Variants in ERC1 observed in about 807,000 individuals in gnomAD.
ERC1 encodes ELKS/RAB6-interacting/CAST family member 1, also known as RAB6 interacting protein 2.
Under a neutral mutation model 132.0 loss-of-function variants are expected in ERC1, and 56 were observed. The ratio of observed to expected loss-of-function variants is 0.42; its 90% confidence interval spans 0.34 to 0.53. The LOEUF (loss-of-function observed/expected upper bound fraction) is 0.53, where lower values mean the gene tolerates loss of function less well. ERC1 is among the 20% of genes least tolerant of loss of function. ERC1 has a pLI of 0.03. For synonymous variants in ERC1, 478 were observed against 476.1 expected (o/e 1.00, Z -0.05); for missense variants, 1,202 against 1,349.9 (o/e 0.89, Z 1.72).
At chr12:1,385,368 C>T (rs1291937684) in intron 16 of ERC1, among the ~76,000 whole-genome samples, 3 of 152,054 alleles carry the variant, frequency 2.0e-5, no homozygotes, top group East Asian at 1.9e-4. Flanking sequence ...CTGCAAGCTC[C>T]GCCTCCCGGG....
In ERC1 at chr12:1,239,105, GTTTA is replaced by G. The variant is rs199577066; in HGVS notation, c.2487+2214_2487+2217del. 1.3e-3 allele frequency among the ~76,000 whole-genome samples: 197 copies of G among 152,226 alleles called. 2 individuals are homozygous for G. Among genetic ancestry groups the G allele is most frequent in the African/African-American group, 4.4e-3 (184 of 41,532 alleles). ...CAGTTACTTAAGTATATTTCTGTTT[GTTTA>G]TTTATTTATTTACTTATTTGACAGA... On this transcript the variant is annotated intron_variant, in intron 13 of 18. Transcript: ENST00000360905.
intron 12 of ERC1, among the ~76,000 whole-genome samples, chr12:1,225,192 C>T (rs1412125515): frequency 6.6e-6 from 1 of 151,882 alleles, no homozygotes; most frequent in Non-Finnish European, 1.5e-5. Context: ...AGGTGGAATG[C>T]TCACACCTGT....
intron 1 of ERC1, among the ~76,000 whole-genome samples, chr12:1,003,292 T>A (rs1027498795): frequency 1.1e-4 from 17 of 152,182 alleles, no homozygotes; most frequent in African/African-American, 4.1e-4. Flanking sequence ...TTTATAGTTT[T>A]CTGTGCAGTA....
At position 1,346,948 on chromosome 12, in the gene ERC1, C is replaced by CA. The variant is rs58842053; in HGVS notation, c.2781-24872dup. On this transcript the variant is annotated intron_variant, in intron 15 of 18. Transcript: ENST00000360905. ...TGGGCGACAGAGCGAGACTCCGTCT[C>CA]AAAAAAAAAAAAAGAGAGAGATGAT... Among the ~76,000 whole-genome samples the CA allele has an allele frequency of 9.2e-4, 98 of 105,980 alleles. 1 individual carries two copies. The highest frequency in any genetic ancestry group is 1.8e-3 in the East Asian group (7 of 3,854). The allele number at this position is 105,980 out of a possible 152,430, so 69.5% of individuals were successfully genotyped here.
chr12:1,280,181 A>C (rs1041878750), intron 14 of ERC1, among the ~76,000 whole-genome samples: 8 of 152,316 alleles, frequency 5.3e-5, no homozygotes, highest in African/African-American at 1.9e-4. Flanking sequence ...GTTATTGATC[A>C]TAGAAGCAGT....
At chr12:994,066 CAAAAAAAAAAA>C (rs72073964) in intron 1 of ERC1, among the ~76,000 whole-genome samples, 4 of 64,208 alleles carry the variant, frequency 6.2e-5, no homozygotes, top group Non-Finnish European at 1.2e-4. Flanking sequence ...AACTCCGTCT[CAAAAAAAAAAA>C]AAAAAAAAAA....
At chr12:1,413,515 A>AC (rs2091954043) in intron 17 of ERC1, among the ~76,000 whole-genome samples, 1 of 152,102 alleles carries the variant, frequency 6.6e-6, no homozygotes, top group African/African-American at 2.4e-5. Context: ...AATCACTTGA[A>AC]CCTGGGGGGC....
At chr12:1,350,012 T>C (rs2084859741) in intron 15 of ERC1, among the ~76,000 whole-genome samples, 1 of 152,314 alleles carries the variant, frequency 6.6e-6, no homozygotes, top group Admixed American at 6.5e-5. Flanking sequence ...AGGTTCACAG[T>C]GTTGTGCTTT....
intron 3 of ERC1, among the ~76,000 whole-genome samples, chr12:1,101,398 A>G (rs1183337977): frequency 2.6e-5 from 4 of 152,186 alleles, no homozygotes; most frequent in Admixed American, 2.6e-4. Context: ...CGCCGACATC[A>G]CTGACACTGC....
chr12:1,105,824 T>G (rs540224965), intron 4 of ERC1, among the ~76,000 whole-genome samples: 2 of 152,366 alleles, frequency 1.3e-5, no homozygotes, highest in South Asian at 4.1e-4. Flanking sequence ...TTGCCTTGAT[T>G]TGTGCTAAGG....
At chr12:1,285,787 C>T (rs543658258) in intron 14 of ERC1, among the ~76,000 whole-genome samples, 6 of 152,212 alleles carry the variant, frequency 3.9e-5, no homozygotes, top group African/African-American at 9.6e-5. Context: ...CACTCAACAA[C>T]ATATTTAATA....
intron 16 of ERC1, among the ~76,000 whole-genome samples, chr12:1,385,212 T>C (rs1248484503): frequency 2.0e-5 from 3 of 152,256 alleles, no homozygotes; most frequent in Non-Finnish European, 4.4e-5. Flanking sequence ...TTTCAATTTC[T>C]GCTAAATGAA....
chr12:1,290,581 A>T (rs1386766188), intron 15 of ERC1, among the ~76,000 whole-genome samples: 1 of 152,236 alleles, frequency 6.6e-6, no homozygotes, highest in African/African-American at 2.4e-5. Flanking sequence ...TGAAGCATGT[A>T]TACATCTGCT....
chr12:1,486,990 A>G (rs1449791132), intron 18 of ERC1, among the ~76,000 whole-genome samples: 1 of 152,162 alleles, frequency 6.6e-6, no homozygotes, highest in African/African-American at 2.4e-5. Context: ...CTGAAGCAAC[A>G]CCACCCCATA....
chr12:1,070,883 G>C (rs1208683224), intron 2 of ERC1, among the ~76,000 whole-genome samples: 5 of 152,160 alleles, frequency 3.3e-5, no homozygotes, highest in African/African-American at 1.2e-4. Context: ...CCGCAGCACA[G>C]GTAGTGTTCT....
chr12:1,393,762 T>A (rs762753291), intron 16 of ERC1, among the ~76,000 whole-genome samples: 7 of 151,764 alleles, frequency 4.6e-5, no homozygotes, highest in Non-Finnish European at 8.8e-5. Flanking sequence ...GCATGGTGGC[T>A]CATGCCTGTA....
intron 14 of ERC1, among the ~76,000 whole-genome samples, chr12:1,286,668 T>C (rs997832438): frequency 6.6e-6 from 1 of 152,178 alleles, no homozygotes; most frequent in African/African-American, 2.4e-5. Context: ...TTTGTCTATA[T>C]AGTAAACTTC....
intron 1 of ERC1, among the ~76,000 whole-genome samples, chr12:1,009,756 T>C (rs1439219584): frequency 6.6e-6 from 1 of 152,218 alleles, no homozygotes; most frequent in East Asian, 1.9e-4. Context: ...CTTTAAAATA[T>C]GAAAAACTGT....
chr12:1,419,774 A>G (rs985985696), intron 17 of ERC1, among the ~76,000 whole-genome samples: 1 of 151,908 alleles, frequency 6.6e-6, no homozygotes, highest in Non-Finnish European at 1.5e-5. Flanking sequence ...TGCACTTCAA[A>G]TGGTTAAGAT....
Sources: allele counts gnomAD v4.1 joint callset (sites outside exome capture counted in the v4.1 genomes callset), GRCh38; gene constraint gnomAD v4.1.1; transcripts MANE v1.5; gene names NCBI Gene and HGNC (gene_info 2026-07-23, HGNC 2026-07-21).